FRMD7: variants seen among roughly 807,000 people sequenced by gnomAD.
FRMD7 encodes FERM domain containing 7.
Under a neutral mutation model 44.1 loss-of-function variants are expected in FRMD7, and 14 were observed. The observed-to-expected ratio is 0.32, with a 90% CI of 0.21 to 0.50. The LOEUF (loss-of-function observed/expected upper bound fraction) is 0.50, where lower values mean the gene tolerates loss of function less well. FRMD7 is among the 20% of genes least tolerant of loss of function. The pLI is 0.99. For synonymous variants in FRMD7, 212 were observed against 187.4 expected (o/e 1.13, Z -1.07); for missense variants, 501 against 522.3 (o/e 0.96, Z 0.40).
intron 1 of FRMD7, among the ~76,000 whole-genome samples, chrX:132,121,267 T>C (rs185385446): frequency 3.5e-4 from 39 of 111,853 alleles, no homozygotes; most frequent in African/African-American, 1.2e-3. Flanking sequence ...CCAGACAAAG[T>C]GGGGCTTGAA....
intron 1 of FRMD7, among the ~76,000 whole-genome samples, chrX:132,117,754 T>A (rs1345228798): frequency 8.9e-6 from 1 of 112,205 alleles, no homozygotes; most frequent in Non-Finnish European, 1.9e-5. Flanking sequence ...ATTGTGAATA[T>A]CATCATTAGT....
chrX:132,127,872 A>C lies in FRMD7; in HGVS notation c.-28T>G. On this transcript the variant is annotated 5_prime_UTR_variant, in exon 1 of 12. Coordinates refer to ENST00000298542, the MANE Select transcript of FRMD7 (RefSeq NM_194277.3). ...TCAGCGAGGCCGTTGGGCTGCAAGC[A>C]GGCTCAGAGTGCTGTGGGTGCTTTC... 8.6e-7 allele frequency: 1 copy of C among 1,165,772 alleles called. No homozygotes were observed. Among genetic ancestry groups the C allele is most frequent in the South Asian group, 1.8e-5 (1 of 55,996 alleles).
Position 132,114,294 on chromosome X carries a change from A to C in FRMD7, c.57+13494T>G, listed in dbSNP as rs150402040. Reference sequence around the variant, plus strand: ...TTACTAAGAGGCCATGAAAGCCAGCATATTAGGGTTACTGTGGGGAATCTG... The same window carrying C: ...TTACTAAGAGGCCATGAAAGCCAGCCTATTAGGGTTACTGTGGGGAATCTG... On this transcript the variant is annotated intron_variant, in intron 1 of 11. Transcript: ENST00000298542. Among the ~76,000 whole-genome samples the C allele has an allele frequency of 8.0e-5, 9 of 111,908 alleles. No homozygotes were observed. The East Asian group carries it at 1.7e-3, about 21-fold the overall frequency.
At chrX:132,126,287 G>T (rs1002637583) in intron 1 of FRMD7, among the ~76,000 whole-genome samples, 1 of 111,673 alleles carries the variant, frequency 9.0e-6, no homozygotes, top group Non-Finnish European at 1.9e-5. Flanking sequence ...AGAGCAAAAG[G>T]GATCACATGC....
At chrX:132,085,821 G>C in intron 6 of FRMD7, 93 bp from the exon 7 acceptor site, 2 of 1,042,416 alleles carry the variant, frequency 1.9e-6, no homozygotes, top group South Asian at 3.7e-5. Context: ...GTTTCATGGA[G>C]CCTGAAACTT....
At chrX:132,092,671 A>C (rs1928213797) in intron 5 of FRMD7, among the ~76,000 whole-genome samples, 1 of 111,693 alleles carries the variant, frequency 9.0e-6, no homozygotes, top group African/African-American at 3.3e-5. Flanking sequence ...AACTGTTAAG[A>C]ATGAAATTGA....
intron 9 of FRMD7, among the ~76,000 whole-genome samples, chrX:132,080,760 C>T (rs748823393): frequency 6.3e-5 from 7 of 111,436 alleles, no homozygotes; most frequent in African/African-American, 2.3e-4. Flanking sequence ...CTGCAGTGAG[C>T]GGAGATCATG....
intron 5 of FRMD7, among the ~76,000 whole-genome samples, chrX:132,089,157 A>G (rs763086381): frequency 4.3e-4 from 48 of 112,515 alleles, no homozygotes; most frequent in Non-Finnish European, 7.5e-5. Context: ...ATATAGATCA[A>G]TGGAACATAA....
intron 4 of FRMD7, among the ~76,000 whole-genome samples, chrX:132,096,110 A>G (rs979469908): frequency 1.8e-5 from 2 of 111,811 alleles, no homozygotes. Flanking sequence ...GCAAATACAT[A>G]TATATACCAA....
intron 1 of FRMD7, among the ~76,000 whole-genome samples, chrX:132,126,596 A>G (rs1004131326): frequency 8.9e-6 from 1 of 112,093 alleles, no homozygotes; most frequent in Non-Finnish European, 1.9e-5. Flanking sequence ...GCCTAAAGCA[A>G]TATCTTTTGA....
chrX:132,102,450 G>C (rs181527768), intron 1 of FRMD7, among the ~76,000 whole-genome samples: 2,167 of 111,880 alleles, frequency 0.019, 21 homozygotes, highest in Non-Finnish European at 0.03. Context: ...GTTCCCCTGG[G>C]GGGGGTGGCA....
chrX:132,125,783 C>T (rs948238418), intron 1 of FRMD7, among the ~76,000 whole-genome samples: 4 of 111,311 alleles, frequency 3.6e-5, no homozygotes, highest in Non-Finnish European at 7.5e-5. Flanking sequence ...TGTGCATCGG[C>T]AATACTGAAG....
intron 8 of FRMD7, among the ~76,000 whole-genome samples, chrX:132,083,769 G>C (rs1267146644): frequency 8.9e-6 from 1 of 111,876 alleles, no homozygotes; most frequent in East Asian, 2.8e-4. Flanking sequence ...AGACCAGCCT[G>C]GGCAACATAG....
rs1927671544 is a variant in FRMD7 at position 132,078,126 on chromosome X, C to G, written c.1891G>C (p.Glu631Gln). 8.3e-7 allele frequency: 1 copy of G among 1,211,208 alleles called. No individual in the cohort carries two copies. Among genetic ancestry groups the G allele is most frequent in the South Asian group, 1.8e-5 (1 of 56,985 alleles). The change falls in exon 12 of 12, where the codon GAG (glutamate) becomes CAG (glutamine). Residue 631 changes from glutamate to glutamine, a missense_variant. Physicochemically the swap from Glu to Gln is conservative, Grantham distance 29 (BLOSUM62 2). Coordinates refer to ENST00000298542, the MANE Select transcript of FRMD7 (RefSeq NM_194277.3). Reference sequence around the variant, plus strand: ...TGATCCATTAGAACTGCTGGCAACTCCTGCTCTGCAAACATATCCGTAAAC... The same window carrying G: ...TGATCCATTAGAACTGCTGGCAACTGCTGCTCTGCAAACATATCCGTAAAC... ...DLFTDMFAEQ[E>Q]LPAVLMDQST... is the part of the protein sequence containing the mutation.
At chrX:132,091,906 A>G (rs1288533205) in intron 5 of FRMD7, among the ~76,000 whole-genome samples, 1 of 111,648 alleles carries the variant, frequency 9.0e-6, no homozygotes, top group East Asian at 2.8e-4. Flanking sequence ...AAAAATATAA[A>G]TATTCAGTAT....
intron 1 of FRMD7, among the ~76,000 whole-genome samples, chrX:132,117,436 G>T (rs936781257): frequency 8.9e-6 from 1 of 112,216 alleles, no homozygotes; most frequent in African/African-American, 3.2e-5. Context: ...AAAATATGCA[G>T]ATTATGCAAT....
chrX:132,120,501 C>T (rs1463676468), intron 1 of FRMD7, among the ~76,000 whole-genome samples: 1 of 113,029 alleles, frequency 8.8e-6, no homozygotes, highest in African/African-American at 3.2e-5. Flanking sequence ...AACAGCCAAA[C>T]GCCACCCACC....
At chrX:132,108,139 G>T (rs1004846947) in intron 1 of FRMD7, among the ~76,000 whole-genome samples, 16 of 111,806 alleles carry the variant, frequency 1.4e-4, no homozygotes, top group Admixed American at 3.8e-4. Context: ...AAATAGAATT[G>T]TCAGAAGCCA....
At position 132,077,731 on chromosome X, in the gene FRMD7, C is replaced by A; in HGVS notation, c.*141G>T. On this transcript the variant is annotated 3_prime_UTR_variant, in exon 12 of 12. Coordinates refer to ENST00000298542, the MANE Select transcript of FRMD7 (RefSeq NM_194277.3). ...GGAATGAGGCAACAGCTGGATCTTTCATAAGGCAGGCATCCAAAATGAGAT... is the reference window on the plus strand; with the variant it reads ...GGAATGAGGCAACAGCTGGATCTTTAATAAGGCAGGCATCCAAAATGAGAT... 1.1e-6 allele frequency: 1 copy of A among 882,576 alleles called. No individual in the cohort carries two copies. The highest frequency in any genetic ancestry group is 1.6e-6 in the Non-Finnish European group (1 of 631,391). 72.7% of individuals were successfully genotyped at this position (882,576 alleles called of 1,213,427 possible).
Sources: allele counts gnomAD v4.1 joint callset (sites outside exome capture counted in the v4.1 genomes callset), GRCh38; gene constraint gnomAD v4.1.1; transcripts MANE v1.5; gene names NCBI Gene and HGNC (gene_info 2026-07-23, HGNC 2026-07-21).